KCNB2: variants seen among roughly 807,000 people sequenced by gnomAD.
The protein encoded by KCNB2 is delayed rectifier potassium channel protein.
In KCNB2, 15 loss-of-function variants were observed where a neutral mutation model predicts 61.5. That is an observed-to-expected ratio of 0.24 (90% CI 0.16 to 0.38). The LOEUF is 0.38. Ranked by LOEUF, KCNB2 falls within the 10% of genes least tolerant of loss-of-function variation. The pLI is 1.00. For synonymous variants in KCNB2, 457 were observed against 446.0 expected, an observed-to-expected ratio of 1.02 and a Z score of -0.31; for missense variants, 828 against 1,125.2, an observed-to-expected ratio of 0.74 and a Z score of 3.78.
chr8:72,806,439 C>T (rs1432640873), intron 2 of KCNB2, among the ~76,000 whole-genome samples: 4 of 151,090 alleles, frequency 2.6e-5, no homozygotes, highest in Non-Finnish European at 4.4e-5. Flanking sequence ...AACCCCATCT[C>T]TACTAAAAAA....
intron 2 of KCNB2, among the ~76,000 whole-genome samples, chr8:72,605,138 A>C (rs1805424178): frequency 6.6e-6 from 1 of 152,250 alleles, no homozygotes; most frequent in Non-Finnish European, 1.5e-5. Flanking sequence ...AGATGAAGTT[A>C]ATTAATAGAA....
intron 2 of KCNB2, among the ~76,000 whole-genome samples, chr8:72,928,960 T>C (rs1029997206): frequency 6.6e-6 from 1 of 152,124 alleles, no homozygotes; most frequent in South Asian, 2.1e-4. Context: ...TTTTATTGTT[T>C]CCCAATGCTG....
At chr8:72,577,295 GTGTGTGTGTA>G (rs1244653209) in intron 2 of KCNB2, among the ~76,000 whole-genome samples, 2 of 110,698 alleles carry the variant, frequency 1.8e-5, no homozygotes, top group East Asian at 2.9e-4. Context: ...CCATGTGTAT[GTGTGTGTGTA>G]TGTGTGTGTG....
chr8:72,722,775 A>G (rs1807572918), intron 2 of KCNB2, among the ~76,000 whole-genome samples: 1 of 137,176 alleles, frequency 7.3e-6, no homozygotes, highest in South Asian at 2.2e-4. Context: ...ATGCCTAGAA[A>G]TCTATTGACA....
At chr8:72,718,614 C>T (rs1049100304) in intron 2 of KCNB2, among the ~76,000 whole-genome samples, 21 of 137,266 alleles carry the variant, frequency 1.5e-4, no homozygotes, top group Non-Finnish European at 2.9e-4. Context: ...AATTGAACAA[C>T]GAGAACACAT....
At chr8:72,744,287 G>T (rs1321248184) in intron 2 of KCNB2, among the ~76,000 whole-genome samples, 2 of 152,138 alleles carry the variant, frequency 1.3e-5, no homozygotes, top group Non-Finnish European at 2.9e-5. Flanking sequence ...AGTTTCTTAA[G>T]AGAAGAAATG....
chr8:72,665,155 G>A (rs58750949), intron 2 of KCNB2, among the ~76,000 whole-genome samples: 128 of 152,314 alleles, frequency 8.4e-4, no homozygotes, highest in African/African-American at 2.9e-3. Flanking sequence ...GCATATGACC[G>A]CTTGAGGTGC....
At chr8:72,591,873 T>C (rs1222791338) in intron 2 of KCNB2, among the ~76,000 whole-genome samples, 1 of 152,040 alleles carries the variant, frequency 6.6e-6, no homozygotes, top group Non-Finnish European at 1.5e-5. Context: ...TCATTTATAA[T>C]GTTAGCCTTT....
chr8:72,885,609 G>A (rs1236885242), intron 2 of KCNB2, among the ~76,000 whole-genome samples: 1 of 152,014 alleles, frequency 6.6e-6, no homozygotes. Context: ...AATATATTAT[G>A]GACTTTTTAA....
intron 2 of KCNB2, among the ~76,000 whole-genome samples, chr8:72,784,954 TG>T (rs1392431060): frequency 6.6e-6 from 1 of 152,154 alleles, no homozygotes. Flanking sequence ...CAAGTTGTAT[TG>T]TGTGTTCTAC....
At chr8:72,557,626 G>C (rs938490303) in intron 1 of KCNB2, among the ~76,000 whole-genome samples, 1 of 152,132 alleles carries the variant, frequency 6.6e-6, no homozygotes, top group Admixed American at 6.5e-5. Flanking sequence ...TAGATGAGTA[G>C]TAATCACACA....
In KCNB2 at chr8:72,581,232, A is replaced by G. The variant is rs111405742; in HGVS notation, c.579+12919A>G. On this transcript the variant is annotated intron_variant, in intron 2 of 2. Coordinates refer to ENST00000523207, the MANE Select transcript of KCNB2 (RefSeq NM_004770.3). ...ACGTACCTGGCACAGTCACACACCT[A>G]TGGCCACCACTACTTCCTTCTCTGT... is the stretch of plus-strand genomic sequence containing the variant. Among the ~76,000 whole-genome samples the G allele has an allele frequency of 1.1e-3, 161 of 152,250 alleles. 1 individual carries two copies. Among genetic ancestry groups the G allele is most frequent in the Non-Finnish European group, 4.0e-4 (27 of 68,006 alleles).
chr8:72,621,557 G>A (rs767539424), intron 2 of KCNB2, among the ~76,000 whole-genome samples: 14 of 151,900 alleles, frequency 9.2e-5, no homozygotes, highest in Non-Finnish European at 1.6e-4. Context: ...TATTTTTAAT[G>A]TTCGTGGGTA....
At chr8:72,834,193 C>A (rs557879661) in intron 2 of KCNB2, among the ~76,000 whole-genome samples, 1 of 152,064 alleles carries the variant, frequency 6.6e-6, no homozygotes, top group East Asian at 1.9e-4. Context: ...GCATTGTTTC[C>A]TTAGTGTCCT....
At chr8:72,572,012 G>A (rs2128979413) in intron 2 of KCNB2, among the ~76,000 whole-genome samples, 1 of 152,268 alleles carries the variant, frequency 6.6e-6, no homozygotes, top group South Asian at 2.1e-4. Context: ...GTGTTTAAAA[G>A]CATATTTGAG....
At chr8:72,897,873 G>A (rs1481072405) in intron 2 of KCNB2, among the ~76,000 whole-genome samples, 1 of 152,112 alleles carries the variant, frequency 6.6e-6, no homozygotes, top group East Asian at 1.9e-4. Flanking sequence ...CTTCTTGGGT[G>A]CACCCTGTTC....
At chr8:72,846,404 G>A (rs1243925900) in intron 2 of KCNB2, among the ~76,000 whole-genome samples, 1 of 152,134 alleles carries the variant, frequency 6.6e-6, no homozygotes, top group Non-Finnish European at 1.5e-5. Flanking sequence ...AGCCAAAATT[G>A]ACAAATGGGA....
intron 2 of KCNB2, among the ~76,000 whole-genome samples, chr8:72,669,515 AT>A (rs1172854871): frequency 6.6e-6 from 1 of 152,230 alleles, no homozygotes; most frequent in Non-Finnish European, 1.5e-5. Flanking sequence ...AATTTTGGAA[AT>A]GTCACTGTAA....
chr8:72,633,230 A>G (rs573231965), intron 2 of KCNB2, among the ~76,000 whole-genome samples: 2 of 152,208 alleles, frequency 1.3e-5, no homozygotes, highest in South Asian at 2.1e-4. Context: ...GTGGGAGCCT[A>G]TCTTAAAGCT....
Sources: gnomAD v4.1 joint callset for allele counts (sites outside exome capture counted in the v4.1 genomes callset) on GRCh38, gnomAD v4.1.1 for gene constraint, MANE v1.5 for transcripts, NCBI Gene and HGNC (gene_info 2026-07-23, HGNC 2026-07-21) for gene names.